AP3B2: variants seen among roughly 807,000 people sequenced by gnomAD.
The protein encoded by AP3B2 is AP-3 complex subunit beta-2.
AP3B2 carries 50 observed loss-of-function variants against 126.9 expected under a neutral mutation model. The ratio of observed to expected loss-of-function variants is 0.39; its 90% CI spans 0.31 to 0.50. The LOEUF (loss-of-function observed/expected upper bound fraction) is 0.50. AP3B2 is among the 20% of genes least tolerant of loss of function. The probability of loss-of-function intolerance (pLI) is 0.79; values close to 1 mark genes in which losing one functional copy is unlikely to be tolerated. For missense variants in AP3B2, 1,177 were observed against 1,426.4 expected, an observed-to-expected ratio of 0.83 and a Z score of 2.82; for synonymous variants, 541 against 565.0, an observed-to-expected ratio of 0.96 and a Z score of 0.60.
rs200983489 is a variant in AP3B2, at chr15:82,680,646, T to G, written c.881A>C (p.Lys294Thr). 2.9e-4 allele frequency: 466 copies of G among 1,587,054 alleles called. No homozygotes were observed. The highest frequency in any genetic ancestry group is 5.0e-4 in the Middle Eastern group (3 of 5,996). Residue 294 changes from lysine (K) to threonine (T), a missense_variant, in exon 8 of 27, where the codon AAG (lysine) becomes ACG (threonine). Lys to Thr is a moderately conservative substitution (Grantham distance 78). Transcript: ENST00000535359. This position sits in a 1 kb window ranked among gnomAD's most constrained non-coding sequence, Gnocchi z 6.1. Reference sequence around the variant, plus strand: ...GTGGTCGGGGTCCATGACATAGGGCTTTCGGGAGGGGGCGGCCGCGGCGGC... The same window carrying G: ...GTGGTCGGGGTCCATGACATAGGGCGTTCGGGAGGGGGCGGCCGCGGCGGC... ...ETAAAAAPSR[K>T]PYVMDPDHRL...
At position 82,665,046 on chromosome 15, in the gene AP3B2, C is replaced by A; in HGVS notation, c.2029-103G>T. ...ATTCCACCTCTTTGTGAGGCCCTAC[C>A]TGGTCTGTCCCACAAAGGGAATAAC... On this transcript the variant is annotated intron_variant, in intron 17 of 26. Transcript: ENST00000535359. The surrounding 1 kb of genome is among the most constrained non-coding windows in gnomAD (Gnocchi z 4.4). The A allele has an allele frequency of 9.4e-7, 1 of 1,064,576 alleles. No homozygotes were observed. The highest frequency in any genetic ancestry group is 1.4e-5 in the South Asian group (1 of 69,864). The allele number at this position is 1,064,576 out of a possible 1,614,324, so 65.9% of individuals were successfully genotyped here.
Position 82,664,698 on chromosome 15 carries a change from ATCCC to A in AP3B2, c.2137+133_2137+136del. 2 of 868,754 alleles carry A rather than the reference ATCCC, an allele frequency of 2.3e-6. No homozygotes were observed. Among genetic ancestry groups the A allele is most frequent in the South Asian group, 3.4e-5 (2 of 59,368 alleles). The allele number at this position is 868,754 out of a possible 1,614,324, so 53.8% of individuals were successfully genotyped here. ...ACAAGCACACACACCTGGAACATGA[ATCCC>A]TCAGGTGCACAAACAATTCACAAGC... is the stretch of plus-strand genomic sequence containing the variant. On this transcript the variant is annotated intron_variant, in intron 18 of 26. Coordinates refer to ENST00000535359, the MANE Select transcript of AP3B2 (RefSeq NM_001278512.2). The surrounding 1 kb of genome is among the most constrained non-coding windows in gnomAD (Gnocchi z 4.5).
At position 82,679,402 on chromosome 15, in the gene AP3B2, G is replaced by A. The variant is rs187684283; in HGVS notation, c.1182+327C>T. 2.5e-3 allele frequency among the ~76,000 whole-genome samples: 383 copies of A among 152,334 alleles called. 1 individual carries two copies. The highest frequency in any genetic ancestry group is 0.02 in the Middle Eastern group (6 of 294). ...GCCTCCCAAAGTGCTGGGATTAGGCGTGAGCCACTGTGCCTGGCCAGAGTC... is the reference window on the plus strand; with the variant it reads ...GCCTCCCAAAGTGCTGGGATTAGGCATGAGCCACTGTGCCTGGCCAGAGTC... On this transcript the variant is annotated intron_variant, in intron 10 of 26. Transcript: ENST00000535359.
intron 14 of AP3B2, among the ~76,000 whole-genome samples, chr15:82,669,375 C>T (rs1048006798): frequency 1.3e-5 from 2 of 152,114 alleles, no homozygotes; most frequent in African/African-American, 2.4e-5. Context: ...TCAGTAAAGT[C>T]GCAGGATACA....
Position 82,659,875 on chromosome 15 carries a change from C to T in AP3B2, c.3125G>A (p.Arg1042His), listed in dbSNP as rs779401895. The T allele has an allele frequency of 3.0e-5, 49 of 1,613,874 alleles. No homozygotes were observed. The highest frequency in any genetic ancestry group is 4.4e-5 in the South Asian group (4 of 91,084). ...CTCATCAGATGTCCCACAAGGAACACGACCCAGGTTGGCAGTGGCAGTCAC... is the reference window on the plus strand; with the variant it reads ...CTCATCAGATGTCCCACAAGGAACATGACCCAGGTTGGCAGTGGCAGTCAC... ...QKVTATANLG[R>H]VPCGTSDEYR... The change falls in exon 26 of 27, where the codon CGT becomes CAT. Residue 1042 changes from arginine to histidine, a missense_variant. Physicochemically the swap from Arg to His is conservative, Grantham distance 29 (BLOSUM62 0). Coordinates refer to ENST00000535359, the MANE Select transcript of AP3B2 (RefSeq NM_001278512.2).
chr15:82,664,225 T>G lies in AP3B2; in HGVS notation c.2261+142A>C, dbSNP rs989094206. On this transcript the variant is annotated intron_variant, in intron 19 of 26. Coordinates refer to ENST00000535359, the MANE Select transcript of AP3B2 (RefSeq NM_001278512.2). The surrounding 1 kb of genome is among the most constrained non-coding windows in gnomAD (Gnocchi z 4.5). ...AGAGATCTCCTGCAGCCAGCGAAAGTAGGCGTCATGTGAGCTGACAGCCCC... is the reference window on the plus strand; with the variant it reads ...AGAGATCTCCTGCAGCCAGCGAAAGGAGGCGTCATGTGAGCTGACAGCCCC... 7.3e-7 allele frequency: 1 copy of G among 1,378,732 alleles called. No homozygotes were observed. Among genetic ancestry groups the G allele is most frequent in the Non-Finnish European group, 9.8e-7 (1 of 1,017,612 alleles). 85.4% of individuals were successfully genotyped at this position (1,378,732 alleles called of 1,614,324 possible).
At position 82,681,745 on chromosome 15, in the gene AP3B2, T is replaced by C. The variant is rs2048342649; in HGVS notation, c.361-165A>G. On this transcript the variant is annotated intron_variant, in intron 4 of 26. Coordinates refer to ENST00000535359, the MANE Select transcript of AP3B2 (RefSeq NM_001278512.2). This position sits in a 1 kb window ranked among gnomAD's most constrained non-coding sequence, Gnocchi z 4.0. Reference sequence around the variant, plus strand: ...CCAGTGATGGGTATCTGGGGGACACTTAATTTTGGCTCTGGTTGCAGAAAT... The same window carrying C: ...CCAGTGATGGGTATCTGGGGGACACCTAATTTTGGCTCTGGTTGCAGAAAT... 2.6e-6 allele frequency: 2 copies of C among 761,526 alleles called. No homozygotes were observed. The highest frequency in any genetic ancestry group is 5.5e-5 in the East Asian group (2 of 36,574). 47.2% of individuals were successfully genotyped at this position (761,526 alleles called of 1,614,324 possible). A position where few individuals can be genotyped will look rare whatever the true frequency, so the allele number is the denominator to read the frequency against.
intron 25 of AP3B2, 27 bp from the exon 26 acceptor site, chr15:82,660,010 A>T: frequency 1.2e-6 from 2 of 1,612,268 alleles, no homozygotes; most frequent in Non-Finnish European, 1.7e-6. Flanking sequence ...TGATGAGGGC[A>T]GAGGCCATGG....
At chr15:82,709,564 T>A in intron 1 of AP3B2, 30 bp downstream of exon 1, 1 of 1,465,410 alleles carries the variant, frequency 6.8e-7, no homozygotes, top group Non-Finnish European at 9.1e-7. Context: ...GCCCCAACCC[T>A]CCCGCGAGCT....
chr15:82,660,596 G>GC (rs2047924462), intron 25 of AP3B2, among the ~76,000 whole-genome samples: 4 of 151,976 alleles, frequency 2.6e-5, no homozygotes, highest in African/African-American at 4.8e-5. Flanking sequence ...CATGATCCAG[G>GC]CCCCCCATGG....
In AP3B2 at chr15:82,677,698, G is replaced by A. The variant is rs2048266444; in HGVS notation, c.1351C>T (p.Leu451=). The change falls in exon 12 of 27, where the codon CTG becomes TTG. Residue 451 remains leucine, a synonymous_variant. Transcript: ENST00000535359. The part of the protein sequence containing the change: ...GRVRDTCLNG[L]VQLLSNRDEL... ...TCACGGTTGGACAGCAGCTGCACCA[G>A]GCCATTGAGGCAGGTGTCACGGACT... The A allele has an allele frequency of 6.3e-7, 1 of 1,583,326 alleles. No individual in the cohort carries two copies. Among genetic ancestry groups the A allele is most frequent in the African/African-American group, 1.3e-5 (1 of 74,400 alleles).
chr15:82,682,538 G>T (rs1596184285), intron 4 of AP3B2, among the ~76,000 whole-genome samples: 1 of 151,938 alleles, frequency 6.6e-6, no homozygotes, highest in Admixed American at 6.6e-5. Flanking sequence ...AGCAAATATC[G>T]CACTAAAACG....
At position 82,682,909 on chromosome 15, in the gene AP3B2, A is replaced by C. The variant is rs1377005865; in HGVS notation, c.361-1329T>G. ...CAAGACCAGCCTGGGCAACATAGGGAGACCCCAGTCTCTACAAAAAAAAAA... is the reference window on the plus strand; with the variant it reads ...CAAGACCAGCCTGGGCAACATAGGGCGACCCCAGTCTCTACAAAAAAAAAA... On this transcript the variant is annotated intron_variant, in intron 4 of 26. Transcript: ENST00000535359. 1.0e-4 allele frequency among the ~76,000 whole-genome samples: 14 copies of C among 140,130 alleles called. No individual in the cohort carries two copies. In the Middle Eastern group the frequency reaches 0.014, roughly 139 times the overall value. 91.9% of individuals were successfully genotyped at this position (140,130 alleles called of 152,430 possible). A position where few individuals can be genotyped will look rare whatever the true frequency, so the allele number is the denominator to read the frequency against.
intron 14 of AP3B2, among the ~76,000 whole-genome samples, chr15:82,667,987 G>C (rs1413658425): frequency 6.6e-6 from 1 of 152,162 alleles, no homozygotes; most frequent in Non-Finnish European, 1.5e-5. Flanking sequence ...TCAGGGGCCG[G>C]CAGGAGGGAG....
intron 14 of AP3B2, among the ~76,000 whole-genome samples, chr15:82,667,889 C>A (rs748544605): frequency 6.6e-6 from 1 of 152,140 alleles, no homozygotes; most frequent in African/African-American, 2.4e-5. Flanking sequence ...ACATAAGGAG[C>A]CTGCCCTGGC....
intron 4 of AP3B2, 45 bp downstream of exon 4, chr15:82,688,691 C>T (rs533680809): frequency 2.7e-5 from 42 of 1,529,894 alleles, no homozygotes; most frequent in African/African-American, 1.5e-4. Context: ...TCCGATACAG[C>T]GCCAACGAGG....
intron 14 of AP3B2, among the ~76,000 whole-genome samples, chr15:82,671,367 G>A (rs112720123): frequency 3.3e-5 from 5 of 152,170 alleles, no homozygotes; most frequent in Non-Finnish European, 2.9e-5. Context: ...AACAAATGCT[G>A]ACAAGAACAT....
chr15:82,709,326 G>T (rs904097425), intron 1 of AP3B2, among the ~76,000 whole-genome samples: 12 of 152,108 alleles, frequency 7.9e-5, no homozygotes, highest in Admixed American at 6.5e-5. Flanking sequence ...GGAACCGGAG[G>T]GTTTCTCCTC....
At chr15:82,690,087 A>T (rs1845363303) in intron 1 of AP3B2, among the ~76,000 whole-genome samples, 1 of 152,202 alleles carries the variant, frequency 6.6e-6, no homozygotes, top group African/African-American at 2.4e-5. Flanking sequence ...CCAGCAAACA[A>T]CCAGAAGCTA....
Sources: gnomAD v4.1 joint callset for allele counts (sites outside exome capture counted in the v4.1 genomes callset) on GRCh38, gnomAD v4.1.1 for gene constraint, Gnocchi (gnomAD v3.1) non-coding constraint, MANE v1.5 for transcripts, NCBI Gene and HGNC (gene_info 2026-07-23, HGNC 2026-07-21) for gene names.